GOLM1: variants seen among roughly 807,000 people sequenced by gnomAD.
GOLM1 encodes golgi membrane protein 1.
A neutral mutation model predicts 50.5 loss-of-function variants in GOLM1; 31 were observed. The observed-to-expected ratio is 0.61, with a 90% CI of 0.46 to 0.83. The LOEUF is 0.83. Ranked by LOEUF, GOLM1 falls within the 40% of genes least tolerant of loss-of-function variation. GOLM1 has a pLI of 0.00. For synonymous variants in GOLM1, 178 were observed against 192.8 expected (o/e 0.92, Z 0.64); for missense variants, 491 against 501.3 (o/e 0.98, Z 0.20).
At chr9:86,031,203 C>G (rs1438185425) in intron 9 of GOLM1, among the ~76,000 whole-genome samples, 1 of 151,224 alleles carries the variant, frequency 6.6e-6, no homozygotes, top group Non-Finnish European at 1.5e-5. Flanking sequence ...GAGTGAGACT[C>G]CATCTGAGGA....
At chr9:86,036,884 A>C in intron 6 of GOLM1, 1 of 192,156 alleles carries the variant, frequency 5.2e-6, no homozygotes. Flanking sequence ...GGGCAAACAC[A>C]CCTGCTTCTC....
At chr9:86,053,651 TGCTAC>T (rs1833880422) in intron 3 of GOLM1, among the ~76,000 whole-genome samples, 1 of 2,230 alleles carries the variant, frequency 4.5e-4, no homozygotes, top group Non-Finnish European at 1.0e-3. Flanking sequence ...CACCACACCA[TGCTAC>T]ACCACTCCAC....
intron 1 of GOLM1, among the ~76,000 whole-genome samples, chr9:86,098,891 C>A (rs1382706274): frequency 6.6e-6 from 1 of 152,158 alleles, no homozygotes; most frequent in Non-Finnish European, 1.5e-5. Flanking sequence ...AGCCACGAGG[C>A]CCAGCGGCAA....
At chr9:86,051,623 G>A (rs1833755872) in intron 4 of GOLM1, among the ~76,000 whole-genome samples, 4 of 152,246 alleles carry the variant, frequency 2.6e-5, no homozygotes, top group Middle Eastern at 3.4e-3. Flanking sequence ...TCACCACGGC[G>A]CACAAGCAAG....
chr9:86,031,084 C>G (rs1330361408), intron 9 of GOLM1, among the ~76,000 whole-genome samples: 1 of 152,118 alleles, frequency 6.6e-6, no homozygotes, highest in Non-Finnish European at 1.5e-5. Flanking sequence ...GTGGCGTGCG[C>G]CTCTAATCTC....
At chr9:86,028,739 C>A (rs903181631) in intron 9 of GOLM1, among the ~76,000 whole-genome samples, 1 of 152,206 alleles carries the variant, frequency 6.6e-6, no homozygotes, top group Admixed American at 6.5e-5. Context: ...CCATCCTCCC[C>A]ACAACCTGTC....
chr9:86,033,179 T>C, intron 9 of GOLM1, 103 bp downstream of exon 9: 1 of 694,382 alleles, frequency 1.4e-6, no homozygotes, highest in South Asian at 1.7e-5. Flanking sequence ...AAATGACCCA[T>C]TAATTACAAT....
intron 5 of GOLM1, among the ~76,000 whole-genome samples, chr9:86,043,242 C>T (rs11141188): frequency 0.091 from 13,886 of 152,186 alleles, 782 homozygotes; most frequent in Non-Finnish European, 0.13. Flanking sequence ...AGGCTATTTT[C>T]GGATGGAGTG....
At position 86,036,397 on chromosome 9, in the gene GOLM1, T is replaced by G; in HGVS notation, c.708A>C (p.Pro236=). 6.2e-7 allele frequency: 1 copy of G among 1,614,200 alleles called. No homozygotes were observed. Among genetic ancestry groups the G allele is most frequent in the Non-Finnish European group, 8.5e-7 (1 of 1,180,032 alleles). The change falls in exon 7 of 10, where the codon CCA becomes CCC. Residue 236 remains proline, a synonymous_variant. Transcript: ENST00000388712. ...CCAAAACCACTTCGGAACTGGGGGC[T>G]GGTGTCTGGGACTTGCTGTTACCAA... is the stretch of plus-strand genomic sequence containing the variant. The part of the protein sequence containing the change: ...NVLGNSKSQT[P]APSSEVVLDS...
rs764561258 is a variant in GOLM1 at position 86,034,978 on chromosome 9, C to CTTCA, written c.1015+386_1015+389dup. The CTTCA allele has an allele frequency of 3.7e-3, 3,549 of 971,960 alleles. 11 individuals are homozygous for CTTCA. The highest frequency in any genetic ancestry group is 4.1e-3 in the Non-Finnish European group (3,377 of 817,742). 60.2% of individuals were successfully genotyped at this position (971,960 alleles called of 1,614,324 possible). On this transcript the variant is annotated intron_variant, in intron 8 of 9. Coordinates refer to ENST00000388712, the MANE Select transcript of GOLM1 (RefSeq NM_016548.4). The stretch of plus-strand genomic sequence containing the variant: ...CTACCCAATATTCCTTCCTTCCTTC[C>CTTCA]TTCATTCATTCACTAGGCACTGATT...
At position 86,040,436 on chromosome 9, in the gene GOLM1, T is replaced by C. The variant is rs117849939; in HGVS notation, c.597+303A>G. The stretch of plus-strand genomic sequence containing the variant: ...GTGGTGTGACACTGGCCACAGAACT[T>C]AACCCCTCCCATGGGGCTGGGGTCC... On this transcript the variant is annotated intron_variant, in intron 6 of 9. Transcript: ENST00000388712. Among the ~76,000 whole-genome samples the C allele has an allele frequency of 5.8e-4, 88 of 152,248 alleles. 1 individual carries two copies. The East Asian group carries it at 0.014, about 24-fold the overall frequency.
chr9:86,027,051 T>C lies in GOLM1; in HGVS notation c.*766A>G, dbSNP rs147296455. 6.2e-4 allele frequency: 608 copies of C among 985,440 alleles called. 2 individuals are homozygous for C. Among genetic ancestry groups the C allele is most frequent in the African/African-American group, 4.3e-3 (249 of 57,368 alleles). The allele number at this position is 985,440 out of a possible 1,614,324, so 61.0% of individuals were successfully genotyped here. A position where few individuals can be genotyped will look rare whatever the true frequency, so the allele number is the denominator to read the frequency against. On this transcript the variant is annotated 3_prime_UTR_variant, in exon 10 of 10. Coordinates refer to ENST00000388712, the MANE Select transcript of GOLM1 (RefSeq NM_016548.4). The stretch of plus-strand genomic sequence containing the variant: ...CCTGTTTGTTTTGTCAAAAACCTAA[T>C]CTGCTTCTTGCTTTTCTTGGTAATA...
At chr9:86,087,402 A>G (rs1044447989) in intron 1 of GOLM1, among the ~76,000 whole-genome samples, 4 of 152,186 alleles carry the variant, frequency 2.6e-5, no homozygotes, top group African/African-American at 9.6e-5. Context: ...CAGGGATCAT[A>G]TGACTTCCTC....
In GOLM1 at chr9:86,052,410, C is replaced by T. The variant is rs1296565922; in HGVS notation, c.364+127G>A. 3 of 766,412 alleles carry T rather than the reference C, an allele frequency of 3.9e-6. No individual in the cohort carries two copies. The Admixed American group carries it at 6.4e-5, about 16-fold the overall frequency. 47.5% of individuals were successfully genotyped at this position (766,412 alleles called of 1,614,324 possible). On this transcript the variant is annotated intron_variant, in intron 4 of 9. Coordinates refer to ENST00000388712, the MANE Select transcript of GOLM1 (RefSeq NM_016548.4). ...ACTTAGGCAAAAAGAATAAAGATTG[C>T]TCAATGACTCATGACACTATCCGCC... is the stretch of plus-strand genomic sequence containing the variant.
chr9:86,076,824 C>G (rs1834631390), intron 3 of GOLM1, among the ~76,000 whole-genome samples: 1 of 151,346 alleles, frequency 6.6e-6, no homozygotes, highest in African/African-American at 2.4e-5. Context: ...CACCATTGCA[C>G]TCCAGCCTGG....
chr9:86,094,657 C>T (rs1331587535), intron 1 of GOLM1, among the ~76,000 whole-genome samples: 3 of 152,134 alleles, frequency 2.0e-5, no homozygotes, highest in Non-Finnish European at 2.9e-5. Context: ...GGGGCCAGCA[C>T]GATGGCTCAC....
chr9:86,036,506 A>G lies in GOLM1; in HGVS notation c.599T>C (p.Leu200Pro). ...GGGCTGAGGCTCACTGAGGGCTTGG[A>G]GCTGAAACAGAAGCACAGGACAGCC... ...LSENNDQRQQLQALSEPQPRL... is the reference protein window; with the variant it reads ...LSENNDQRQQPQALSEPQPRL... The change falls in exon 7 of 10, where the codon CTC (leucine) becomes CCC (proline). Residue 200 changes from leucine (L) to proline (P), a missense_variant and splice_region_variant. Physicochemically the swap from Leu to Pro is moderately conservative, Grantham distance 98. Transcript: ENST00000388712. 2 of 1,613,878 alleles carry G rather than the reference A, an allele frequency of 1.2e-6. No individual in the cohort carries two copies. Among genetic ancestry groups the G allele is most frequent in the South Asian group, 2.2e-5 (2 of 91,042 alleles).
intron 3 of GOLM1, among the ~76,000 whole-genome samples, chr9:86,061,124 T>G (rs1834151022): frequency 6.6e-6 from 1 of 152,056 alleles, no homozygotes; most frequent in South Asian, 2.1e-4. Context: ...GTGTGGGGGC[T>G]CACTGGGTCA....
At position 86,035,993 on chromosome 9, in the gene GOLM1, C is replaced by T. The variant is rs187181768; in HGVS notation, c.757+355G>A. ...TCCGCTGGAGCAAGCACTTGGGAGCCAGGGCAGGCAGGCCCACCCAGGGCT... is the reference window on the plus strand; with the variant it reads ...TCCGCTGGAGCAAGCACTTGGGAGCTAGGGCAGGCAGGCCCACCCAGGGCT... On this transcript the variant is annotated intron_variant, in intron 7 of 9. Coordinates refer to ENST00000388712, the MANE Select transcript of GOLM1 (RefSeq NM_016548.4). 1.6e-3 allele frequency among the ~76,000 whole-genome samples: 250 copies of T among 152,122 alleles called. 1 individual carries two copies. Among genetic ancestry groups the T allele is most frequent in the African/African-American group, 3.9e-3 (160 of 41,446 alleles).
Sources: gnomAD v4.1 joint callset for allele counts (sites outside exome capture counted in the v4.1 genomes callset) on GRCh38, gnomAD v4.1.1 for gene constraint, MANE v1.5 for transcripts, NCBI Gene and HGNC (gene_info 2026-07-23, HGNC 2026-07-21) for gene names.